GPC5: variants seen among roughly 807,000 people sequenced by gnomAD.
GPC5 encodes glypican 5, also known as glypican-5.
GPC5 carries 47 observed loss-of-function variants against 53.9 expected under a neutral mutation model. The ratio of observed to expected loss-of-function variants is 0.87; its 90% CI spans 0.69 to 1.11. GPC5 has a LOEUF of 1.11. Ranked by LOEUF, GPC5 falls within the 50% of genes most tolerant of loss-of-function variation. The probability of loss-of-function intolerance (pLI) is 0.00; values close to 1 mark genes in which losing one functional copy is unlikely to be tolerated. For synonymous variants in GPC5, 286 were observed against 263.3 expected, an observed-to-expected ratio of 1.09 and a Z score of -0.84; for missense variants, 748 against 713.1, an observed-to-expected ratio of 1.05 and a Z score of -0.56.
At chr13:92,324,840 A>G (rs16947394) in intron 7 of GPC5, among the ~76,000 whole-genome samples, 4,339 of 151,948 alleles carry the variant, frequency 0.029, 212 homozygotes, top group African/African-American at 0.1. Flanking sequence ...TCACAAATAA[A>G]AGGAGATGGA....
chr13:92,541,573 CT>C (rs71123410), intron 7 of GPC5, among the ~76,000 whole-genome samples: 1 of 151,144 alleles, frequency 6.6e-6, no homozygotes. Context: ...CTAGAAATAG[CT>C]TTTTTTTGCT....
intron 7 of GPC5, among the ~76,000 whole-genome samples, chr13:92,573,923 T>A (rs1566300090): frequency 6.6e-6 from 1 of 152,120 alleles, no homozygotes; most frequent in Non-Finnish European, 1.5e-5. Flanking sequence ...GTGCATCAGA[T>A]CTGGTCTGGG....
At chr13:91,553,937 C>A (rs932155267) in intron 2 of GPC5, among the ~76,000 whole-genome samples, 1 of 151,914 alleles carries the variant, frequency 6.6e-6, no homozygotes, top group Non-Finnish European at 1.5e-5. Context: ...TGTTATTTAT[C>A]GTTATAGGAG....
chr13:91,600,169 C>A (rs922327217), intron 2 of GPC5, among the ~76,000 whole-genome samples: 3 of 152,192 alleles, frequency 2.0e-5, no homozygotes, highest in Non-Finnish European at 4.4e-5. Context: ...AATACACCCG[C>A]CTTGGCCTCC....
intron 2 of GPC5, among the ~76,000 whole-genome samples, chr13:91,639,915 C>A (rs1008800289): frequency 6.6e-6 from 1 of 151,958 alleles, no homozygotes; most frequent in Non-Finnish European, 1.5e-5. Flanking sequence ...AAGTAAAATA[C>A]AAGGCAAGGA....
chr13:91,820,450 G>A (rs1324449725), intron 5 of GPC5, among the ~76,000 whole-genome samples: 3 of 151,836 alleles, frequency 2.0e-5, no homozygotes, highest in Admixed American at 1.3e-4. Context: ...ATTTCCACTC[G>A]GCCCTCATTT....
At chr13:92,222,571 T>G (rs1022275836) in intron 7 of GPC5, among the ~76,000 whole-genome samples, 1 of 152,196 alleles carries the variant, frequency 6.6e-6, no homozygotes, top group Non-Finnish European at 1.5e-5. Flanking sequence ...CTTTCACTGT[T>G]GTATTTTTTC....
rs369314989 is a variant in GPC5 at position 91,803,781 on chromosome 13, GACAC to G, written c.1280+47383_1280+47386del. Among the ~76,000 whole-genome samples the G allele has an allele frequency of 4.5e-4, 66 of 147,632 alleles. No individual in the cohort carries two copies. The Middle Eastern group carries it at 0.011, about 24-fold the overall frequency. On this transcript the variant is annotated intron_variant, in intron 5 of 7. Coordinates refer to ENST00000377067, the MANE Select transcript of GPC5 (RefSeq NM_004466.6). ...TATAACAGAGACAGACAGACAGACA[GACAC>G]ACACACACACACACACACACAGAGG...
At chr13:92,034,663 T>C (rs2040879168) in intron 6 of GPC5, among the ~76,000 whole-genome samples, 1 of 152,202 alleles carries the variant, frequency 6.6e-6, no homozygotes, top group Non-Finnish European at 1.5e-5. Context: ...ATATTTATTA[T>C]GTTAAATTAT....
At chr13:92,706,353 A>G (rs1389511444) in intron 7 of GPC5, among the ~76,000 whole-genome samples, 1 of 152,156 alleles carries the variant, frequency 6.6e-6, no homozygotes, top group Non-Finnish European at 1.5e-5. Context: ...ATGTGTGATT[A>G]TATCTAGAAT....
chr13:92,863,864 C>T (rs1353223260), intron 7 of GPC5, among the ~76,000 whole-genome samples: 1 of 152,140 alleles, frequency 6.6e-6, no homozygotes, highest in African/African-American at 2.4e-5. Flanking sequence ...TTTAATAACG[C>T]AATTTTCTTT....
intron 5 of GPC5, among the ~76,000 whole-genome samples, chr13:91,881,831 C>T (rs562336474): frequency 6.6e-6 from 1 of 152,282 alleles, no homozygotes; most frequent in African/African-American, 2.4e-5. Context: ...AAAAAGGAGT[C>T]TCGCAGATGC....
chr13:91,446,796 C>T (rs1212672557), intron 1 of GPC5, among the ~76,000 whole-genome samples: 4 of 152,182 alleles, frequency 2.6e-5, no homozygotes, highest in African/African-American at 4.8e-5. Flanking sequence ...TTCACTGTGA[C>T]CCAACTCTAA....
At chr13:91,595,109 C>T (rs1466288628) in intron 2 of GPC5, among the ~76,000 whole-genome samples, 1 of 151,778 alleles carries the variant, frequency 6.6e-6, no homozygotes, top group African/African-American at 2.4e-5. Context: ...CTGCAACCTC[C>T]ACCTGTTGGG....
At position 92,558,819 on chromosome 13, in the gene GPC5, A is replaced by G. The variant is rs147940365; in HGVS notation, c.1562-307463A>G. Among the ~76,000 whole-genome samples the G allele has an allele frequency of 4.5e-3, 685 of 152,068 alleles. 6 individuals are homozygous for G. Among genetic ancestry groups the G allele is most frequent in the African/African-American group, 0.015 (630 of 41,516 alleles). The stretch of plus-strand genomic sequence containing the variant: ...AACAAATACCTGAATAAATATTGAT[A>G]TCTTCTCACCACATGCAGGCAATGA... On this transcript the variant is annotated intron_variant, in intron 7 of 7. Transcript: ENST00000377067.
intron 5 of GPC5, among the ~76,000 whole-genome samples, chr13:91,903,135 G>A (rs1243130762): frequency 1.3e-5 from 2 of 151,632 alleles, no homozygotes; most frequent in Admixed American, 6.6e-5. Context: ...AGCTCTTGTG[G>A]TGATTTGGAA....
intron 7 of GPC5, among the ~76,000 whole-genome samples, chr13:92,506,601 C>T (rs1015701941): frequency 7.2e-5 from 11 of 152,058 alleles, no homozygotes; most frequent in Admixed American, 2.0e-4. Context: ...CCTCTTACTT[C>T]GTGATTCTGA....
At chr13:91,498,806 C>CA (rs751607922) in intron 2 of GPC5, among the ~76,000 whole-genome samples, 30 of 151,354 alleles carry the variant, frequency 2.0e-4, no homozygotes, top group East Asian at 3.9e-4. Flanking sequence ...CCCGTCTCTA[C>CA]AAAAAAATAC....
At chr13:91,407,959 A>G (rs1243945796) in intron 1 of GPC5, among the ~76,000 whole-genome samples, 3 of 152,214 alleles carry the variant, frequency 2.0e-5, no homozygotes, top group Admixed American at 1.3e-4. Context: ...ACCACATACA[A>G]CATGATGGTT....
Sources: allele counts gnomAD v4.1 joint callset (sites outside exome capture counted in the v4.1 genomes callset), GRCh38; gene constraint gnomAD v4.1.1; transcripts MANE v1.5; gene names NCBI Gene and HGNC (gene_info 2026-07-23, HGNC 2026-07-21).